MEGF11: variants seen among roughly 807,000 people sequenced by gnomAD.
The protein encoded by MEGF11 is multiple epidermal growth factor-like domains protein 11.
Under a neutral mutation model 146.6 loss-of-function variants are expected in MEGF11, and 126 were observed. The ratio of observed to expected loss-of-function variants is 0.86; its 90% CI spans 0.74 to 1.00. The LOEUF (loss-of-function observed/expected upper bound fraction) is 1.00, where lower values mean the gene tolerates loss of function less well. Ranked by LOEUF, MEGF11 falls within the 50% of genes least tolerant of loss-of-function variation. The probability of loss-of-function intolerance (pLI) is 0.00; values close to 1 mark genes in which losing one functional copy is unlikely to be tolerated. For synonymous variants in MEGF11, 532 were observed against 583.4 expected, an observed-to-expected ratio of 0.91 and a Z score of 1.27; for missense variants, 1,509 against 1,521.2, an observed-to-expected ratio of 0.99 and a Z score of 0.13.
intron 5 of MEGF11, among the ~76,000 whole-genome samples, chr15:66,041,376 G>C (rs1344250810): frequency 1.3e-5 from 2 of 152,206 alleles, no homozygotes; most frequent in Non-Finnish European, 2.9e-5. Context: ...CTGCAGAGTG[G>C]GGGTACCCAC....
intron 7 of MEGF11, among the ~76,000 whole-genome samples, chr15:65,974,480 A>G (rs1340879901): frequency 3.3e-5 from 5 of 152,174 alleles, no homozygotes; most frequent in Admixed American, 3.3e-4. Context: ...CAGCGAGGTG[A>G]AACTCCATCT....
chr15:66,015,553 T>C (rs373595409), intron 5 of MEGF11, among the ~76,000 whole-genome samples: 3 of 152,098 alleles, frequency 2.0e-5, no homozygotes, highest in East Asian at 3.9e-4. Context: ...AAAGTTATAG[T>C]ATCATGGGGG....
intron 5 of MEGF11, among the ~76,000 whole-genome samples, chr15:66,062,212 C>T (rs1334329787): frequency 6.6e-6 from 1 of 152,184 alleles, no homozygotes. Flanking sequence ...GCTAGGGTGG[C>T]CCCCATGTTT....
chr15:66,030,560 C>A (rs1283487724), intron 5 of MEGF11, among the ~76,000 whole-genome samples: 2 of 152,188 alleles, frequency 1.3e-5, no homozygotes, highest in Admixed American at 1.3e-4. Flanking sequence ...CAGGCATTCA[C>A]CACCACGCCC....
chr15:65,900,954 T>C (rs1354114303), intron 24 of MEGF11, among the ~76,000 whole-genome samples: 1 of 152,238 alleles, frequency 6.6e-6, no homozygotes, highest in Non-Finnish European at 1.5e-5. Context: ...GCTGCACTAG[T>C]GCCCTGATTT....
intron 5 of MEGF11, among the ~76,000 whole-genome samples, chr15:66,081,598 C>T (rs1027716930): frequency 3.9e-5 from 6 of 152,074 alleles, no homozygotes; most frequent in Non-Finnish European, 8.8e-5. Flanking sequence ...AGGCTGGTCT[C>T]GAACTCCTGA....
intron 1 of MEGF11, among the ~76,000 whole-genome samples, chr15:66,147,874 A>C (rs1241654937): frequency 6.6e-6 from 1 of 152,262 alleles, no homozygotes; most frequent in Non-Finnish European, 1.5e-5. Context: ...CTGATTAAAA[A>C]TAATTTTTAA....
chr15:66,109,072 A>G (rs4776280), intron 4 of MEGF11, among the ~76,000 whole-genome samples: 28,591 of 152,092 alleles, frequency 0.19, 2,899 homozygotes, highest in East Asian at 0.37. Flanking sequence ...CCCTGCTGGC[A>G]CTCACTGAGG....
chr15:65,929,715 C>T lies in MEGF11; in HGVS notation c.1572+5G>A, dbSNP rs774244499. 1.3e-6 allele frequency: 2 copies of T among 1,549,660 alleles called. No individual in the cohort carries two copies. The highest frequency in any genetic ancestry group is 3.9e-5 in the Admixed American group (2 of 50,918). On this transcript the variant is annotated splice_donor_5th_base_variant and intron_variant, in intron 12 of 25. Coordinates refer to ENST00000395614, the MANE Select transcript of MEGF11 (RefSeq NM_001385028.1). Reference sequence around the variant, plus strand: ...CAACCTGTCCCTCCCCACCCTGGCACTCACCGGGCAAGGCAGCTCACAGGT... The same window carrying T: ...CAACCTGTCCCTCCCCACCCTGGCATTCACCGGGCAAGGCAGCTCACAGGT...
At chr15:65,990,284 C>G (rs958423950) in intron 5 of MEGF11, among the ~76,000 whole-genome samples, 1 of 152,156 alleles carries the variant, frequency 6.6e-6, no homozygotes, top group African/African-American at 2.4e-5. Flanking sequence ...GATGCGGTGG[C>G]TCACACCTGT....
intron 5 of MEGF11, among the ~76,000 whole-genome samples, chr15:66,080,170 G>A (rs553736864): frequency 6.6e-6 from 1 of 152,292 alleles, no homozygotes; most frequent in South Asian, 2.1e-4. Flanking sequence ...CTCAGGGGCT[G>A]GGCAGTCTCT....
At chr15:66,088,350 A>T (rs2086194297) in intron 5 of MEGF11, among the ~76,000 whole-genome samples, 1 of 152,202 alleles carries the variant, frequency 6.6e-6, no homozygotes. Context: ...TACCAAAACC[A>T]GGAAAGGACA....
At chr15:66,060,837 C>G (rs1434706971) in intron 5 of MEGF11, among the ~76,000 whole-genome samples, 4 of 152,248 alleles carry the variant, frequency 2.6e-5, no homozygotes, top group Admixed American at 2.6e-4. Context: ...GGAAAACTGA[C>G]AACAGATGTG....
chr15:66,071,590 G>A (rs752820706), intron 5 of MEGF11, among the ~76,000 whole-genome samples: 11 of 152,234 alleles, frequency 7.2e-5, no homozygotes, highest in African/African-American at 4.8e-5. Flanking sequence ...CCCTGCAGCT[G>A]CATCGGGGAT....
At chr15:66,133,579 T>A (rs932678463) in intron 1 of MEGF11, among the ~76,000 whole-genome samples, 2 of 152,156 alleles carry the variant, frequency 1.3e-5, no homozygotes, top group Non-Finnish European at 2.9e-5. Flanking sequence ...TCCTCTGCCC[T>A]GGCTCTCTCA....
At chr15:66,184,412 C>T (rs186991748) in intron 1 of MEGF11, among the ~76,000 whole-genome samples, 63 of 152,020 alleles carry the variant, frequency 4.1e-4, no homozygotes, top group African/African-American at 1.4e-3. Context: ...TCACCTGGGC[C>T]GCCCTAAGAA....
At chr15:65,913,501 A>G (rs543429169) in intron 20 of MEGF11, 27 of 590,372 alleles carry the variant, frequency 4.6e-5, no homozygotes, top group Non-Finnish European at 7.8e-5. Context: ...AGCTCTGGGA[A>G]AATGGCAGGA....
intron 10 of MEGF11, 60 bp downstream of exon 10, chr15:65,957,487 G>T: frequency 6.6e-7 from 1 of 1,516,460 alleles, no homozygotes; most frequent in Non-Finnish European, 9.0e-7. Context: ...TGCACCAGGA[G>T]GTGAGGGGAA....
At chr15:65,948,576 A>G (rs2080281758) in intron 10 of MEGF11, among the ~76,000 whole-genome samples, 9 of 152,192 alleles carry the variant, frequency 5.9e-5, no homozygotes, top group Admixed American at 5.9e-4. Flanking sequence ...TCCAAAGTCC[A>G]TGTCCTTTTG....
Sources: gnomAD v4.1 joint callset for allele counts (sites outside exome capture counted in the v4.1 genomes callset) on GRCh38, gnomAD v4.1.1 for gene constraint, MANE v1.5 for transcripts, NCBI Gene and HGNC (gene_info 2026-07-23, HGNC 2026-07-21) for gene names.